NOVA1: variants seen among roughly 807,000 people sequenced by gnomAD.
NOVA1 encodes the protein NOVA alternative splicing regulator 1.
A neutral mutation model predicts 38.0 loss-of-function variants in NOVA1; 7 were observed. The observed-to-expected ratio is 0.18, with a 90% CI of 0.10 to 0.35. The LOEUF (loss-of-function observed/expected upper bound fraction) is 0.35, where lower values mean the gene tolerates loss of function less well. Among genes scored for constraint, NOVA1 ranks in the 10% least tolerant of loss-of-function variants. The probability of loss-of-function intolerance (pLI) is 1.00; values close to 1 mark genes in which losing one functional copy is unlikely to be tolerated. For synonymous variants in NOVA1, 270 were observed against 232.5 expected (o/e 1.16, Z -1.47); for missense variants, 460 against 616.0 (o/e 0.75, Z 2.68).
intron 4 of NOVA1, among the ~76,000 whole-genome samples, chr14:26,451,626 G>A (rs912001524): frequency 2.0e-5 from 3 of 152,048 alleles, no homozygotes; most frequent in African/African-American, 7.2e-5. Context: ...GCCTGCCTCG[G>A]CCACCCAAAA....
At chr14:26,485,276 A>C (rs1329214007) in intron 2 of NOVA1, among the ~76,000 whole-genome samples, 1 of 152,164 alleles carries the variant, frequency 6.6e-6, no homozygotes, top group Non-Finnish European at 1.5e-5. Flanking sequence ...ATTGATTTCT[A>C]AGGCCTTTTT....
intron 2 of NOVA1, among the ~76,000 whole-genome samples, chr14:26,530,100 T>C (rs1238770846): frequency 7.2e-5 from 11 of 152,196 alleles, no homozygotes; most frequent in Admixed American, 6.5e-4. Flanking sequence ...TTTGTATTTT[T>C]AGCAGAGACG....
chr14:26,541,214 GT>G (rs1436918765), intron 2 of NOVA1, among the ~76,000 whole-genome samples: 16 of 152,076 alleles, frequency 1.1e-4, no homozygotes, highest in Non-Finnish European at 2.2e-4. Flanking sequence ...TGAAGTTGGA[GT>G]TGCAAAGAGA....
At position 26,587,006 on chromosome 14, in the gene NOVA1, A is replaced by G. The variant is rs114911502; in HGVS notation, c.280+8404T>C. The stretch of plus-strand genomic sequence containing the variant: ...TCAGAGTCACATCCAGAAGGGAGGG[A>G]AAAAAAAAGTAGAACAAAACAAGAG... On this transcript the variant is annotated intron_variant, in intron 2 of 4. Transcript: ENST00000539517. Among the ~76,000 whole-genome samples, 677 of 149,482 alleles carry G rather than the reference A, an allele frequency of 4.5e-3. 6 individuals are homozygous for G. The highest frequency in any genetic ancestry group is 0.016 in the African/African-American group (641 of 41,016).
chr14:26,529,814 C>A (rs1017819162), intron 2 of NOVA1, among the ~76,000 whole-genome samples: 5 of 152,194 alleles, frequency 3.3e-5, no homozygotes, highest in Non-Finnish European at 5.9e-5. Flanking sequence ...TTCAGTCATG[C>A]AGCCTTTTGT....
intron 2 of NOVA1, among the ~76,000 whole-genome samples, chr14:26,516,232 T>C (rs967289434): frequency 6.6e-5 from 10 of 152,194 alleles, no homozygotes; most frequent in African/African-American, 9.6e-5. Flanking sequence ...CAATTTTTTA[T>C]TGGGTTATAT....
At chr14:26,463,235 T>G (rs1210161110) in intron 4 of NOVA1, among the ~76,000 whole-genome samples, 1 of 152,212 alleles carries the variant, frequency 6.6e-6, no homozygotes, top group Admixed American at 6.5e-5. Flanking sequence ...GCAGTAAGTT[T>G]TACAGGATAG....
chr14:26,596,289 TA>T (rs1430766217), intron 1 of NOVA1, among the ~76,000 whole-genome samples: 3 of 152,200 alleles, frequency 2.0e-5, no homozygotes, highest in African/African-American at 7.2e-5. Flanking sequence ...TCATTTATAT[TA>T]AATAGGCTTA....
intron 4 of NOVA1, among the ~76,000 whole-genome samples, chr14:26,471,504 C>T (rs1245757291): frequency 6.6e-6 from 1 of 151,450 alleles, no homozygotes; most frequent in Non-Finnish European, 1.5e-5. Context: ...AAATGAAGCT[C>T]AACTCACACA....
chr14:26,541,087 G>C (rs1890438423), intron 2 of NOVA1, among the ~76,000 whole-genome samples: 1 of 152,046 alleles, frequency 6.6e-6, no homozygotes. Context: ...CAAGTATATG[G>C]TGAAGACATA....
intron 3 of NOVA1, among the ~76,000 whole-genome samples, chr14:26,473,528 G>A (rs1884753722): frequency 6.6e-6 from 1 of 151,812 alleles, no homozygotes; most frequent in Non-Finnish European, 1.5e-5. Context: ...GCAGTGTCAG[G>A]AAAAGCAGAT....
intron 2 of NOVA1, among the ~76,000 whole-genome samples, chr14:26,545,819 A>G (rs1484193947): frequency 6.6e-6 from 1 of 152,166 alleles, no homozygotes; most frequent in Non-Finnish European, 1.5e-5. Flanking sequence ...AAGATTATAT[A>G]CACATATATA....
intron 4 of NOVA1, among the ~76,000 whole-genome samples, chr14:26,459,264 T>C (rs892956701): frequency 2.6e-5 from 4 of 152,162 alleles, no homozygotes; most frequent in African/African-American, 7.2e-5. Context: ...GTATTTTTAA[T>C]ACTTTTAATG....
At chr14:26,498,327 A>G (rs2138392708) in intron 2 of NOVA1, among the ~76,000 whole-genome samples, 1 of 152,062 alleles carries the variant, frequency 6.6e-6, no homozygotes, top group South Asian at 2.1e-4. Flanking sequence ...CGGCCTCCCA[A>G]AGTGCTGGAA....
chr14:26,549,600 T>C, intron 2 of NOVA1: 1 of 540,582 alleles, frequency 1.8e-6, no homozygotes, highest in East Asian at 7.1e-5. Context: ...CTCAATACAC[T>C]TTTAGATGAT....
chr14:26,527,778 CAT>C (rs1391931554), intron 2 of NOVA1, among the ~76,000 whole-genome samples: 4 of 152,178 alleles, frequency 2.6e-5, no homozygotes, highest in African/African-American at 4.8e-5. Flanking sequence ...CTATTTCACA[CAT>C]GTCGATTTCT....
chr14:26,448,193 T>G lies in NOVA1; in HGVS notation c.1290A>C (p.Glu430Asp). ...SKDVVEIAVP[E>D]NLVGAILGKG... ...TGCCAAGTATTGCACCAACTAAGTT[T>G]TCTGGCACTGCTATTTCAACTACAT... The change falls in exon 5 of 5, where the codon GAA becomes GAC. Residue 430 changes from glutamate to aspartate, a missense_variant. Glu to Asp is a conservative substitution (Grantham distance 45). Coordinates refer to ENST00000539517, the MANE Select transcript of NOVA1 (RefSeq NM_002515.3). This position sits in a 1 kb window ranked among gnomAD's most constrained non-coding sequence, Gnocchi z 5.3. 1 of 1,614,222 alleles carries G rather than the reference T, an allele frequency of 6.2e-7. No homozygotes were observed. The highest frequency in any genetic ancestry group is 8.5e-7 in the Non-Finnish European group (1 of 1,180,038).
chr14:26,583,642 T>C (rs779830359), intron 2 of NOVA1, among the ~76,000 whole-genome samples: 1 of 151,170 alleles, frequency 6.6e-6, no homozygotes, highest in Non-Finnish European at 1.5e-5. Context: ...AGTATCATAT[T>C]TTTCAGACTT....
intron 2 of NOVA1, among the ~76,000 whole-genome samples, chr14:26,498,169 C>G (rs1025086832): frequency 6.6e-6 from 1 of 152,026 alleles, no homozygotes; most frequent in Non-Finnish European, 1.5e-5. Flanking sequence ...ACGCCTTTCT[C>G]CTGCCTCAGC....
Sources: allele counts gnomAD v4.1 joint callset (sites outside exome capture counted in the v4.1 genomes callset), GRCh38; gene constraint gnomAD v4.1.1; non-coding constraint Gnocchi (gnomAD v3.1); transcripts MANE v1.5; gene names NCBI Gene and HGNC (gene_info 2026-07-23, HGNC 2026-07-21).